The following IQCJ variants were observed in gnomAD, a reference collection of about 807,000 sequenced individuals.
IQCJ encodes IQ domain-containing protein J.
IQCJ carries 9 observed loss-of-function variants against 11.0 expected under a neutral mutation model. The ratio of observed to expected loss-of-function variants is 0.82; its 90% confidence interval spans 0.49 to 1.43. The LOEUF (loss-of-function observed/expected upper bound fraction) is 1.43. IQCJ is among the 40% of genes most tolerant of loss of function. The pLI, the probability that IQCJ is intolerant of heterozygous loss-of-function variation, is 0.00. For missense variants in IQCJ, 146 were observed against 133.2 expected, an observed-to-expected ratio of 1.10 and a Z score of -0.47; for synonymous variants, 55 against 51.3, an observed-to-expected ratio of 1.07 and a Z score of -0.31.
intron 1 of IQCJ, among the ~76,000 whole-genome samples, chr3:159,143,994 G>A (rs1249405056): frequency 6.6e-6 from 1 of 152,146 alleles, no homozygotes; most frequent in African/African-American, 2.4e-5. Context: ...AGGCAAAAGG[G>A]ACAAAGCCTG....
downstream of IQCJ, among the ~76,000 whole-genome samples, chr3:159,265,022 A>C (rs1428158488): frequency 6.6e-6 from 1 of 152,222 alleles, no homozygotes; most frequent in Non-Finnish European, 1.5e-5. Context: ...ACAATGACTT[A>C]AATATTGATA....
intron 3 of IQCJ, among the ~76,000 whole-genome samples, chr3:159,257,840 C>T (rs1379183694): frequency 2.0e-5 from 3 of 152,202 alleles, no homozygotes; most frequent in African/African-American, 7.2e-5. Context: ...CATCCTGTTT[C>T]TCTATTTCTG....
chr3:159,090,431 C>G (rs999122230), intron 1 of IQCJ, among the ~76,000 whole-genome samples: 1 of 151,792 alleles, frequency 6.6e-6, no homozygotes, highest in African/African-American at 2.4e-5. Context: ...CTCCTCCACC[C>G]TCACATAAGT....
intron 1 of IQCJ, among the ~76,000 whole-genome samples, chr3:159,232,089 A>G (rs920407547): frequency 5.9e-5 from 9 of 151,894 alleles, no homozygotes; most frequent in Non-Finnish European, 2.9e-5. Flanking sequence ...CAGCTCCTGG[A>G]GTCATTGATT....
At chr3:159,264,936 C>T (rs968008377), downstream of IQCJ, among the ~76,000 whole-genome samples, 4 of 150,718 alleles carry the variant, frequency 2.7e-5, no homozygotes, top group African/African-American at 7.3e-5. Context: ...AGAATCAGAA[C>T]AGATTTTCAA....
At chr3:159,109,407 T>C (rs926308643) in intron 1 of IQCJ, among the ~76,000 whole-genome samples, 3 of 151,822 alleles carry the variant, frequency 2.0e-5, no homozygotes, top group Non-Finnish European at 4.4e-5. Context: ...CACATTCTCT[T>C]GACTTGGGAG....
intron 1 of IQCJ, among the ~76,000 whole-genome samples, chr3:159,092,341 C>G (rs925396217): frequency 4.6e-5 from 7 of 151,840 alleles, no homozygotes; most frequent in Non-Finnish European, 8.8e-5. Flanking sequence ...ACATAGCATC[C>G]AAATGCACTA....
At chr3:159,204,667 T>C (rs1724544435) in intron 1 of IQCJ, among the ~76,000 whole-genome samples, 1 of 152,188 alleles carries the variant, frequency 6.6e-6, no homozygotes, top group Non-Finnish European at 1.5e-5. Flanking sequence ...TTTCCTCTTT[T>C]AATGAGAGAA....
chr3:159,141,955 G>A (rs900156513), intron 1 of IQCJ, among the ~76,000 whole-genome samples: 1 of 152,074 alleles, frequency 6.6e-6, no homozygotes, highest in Non-Finnish European at 1.5e-5. Flanking sequence ...GTACCTTTTT[G>A]TTGTTGCTAA....
At chr3:159,257,657 G>A (rs1727972853) in intron 3 of IQCJ, among the ~76,000 whole-genome samples, 1 of 152,190 alleles carries the variant, frequency 6.6e-6, no homozygotes, top group South Asian at 2.1e-4. Context: ...ATTTGAACAA[G>A]TTTGTATCAG....
intron 1 of IQCJ, among the ~76,000 whole-genome samples, chr3:159,154,644 A>G (rs1247531680): frequency 6.6e-6 from 1 of 152,124 alleles, no homozygotes; most frequent in African/African-American, 2.4e-5. Context: ...CACTTCTTCA[A>G]GCAAAGCCTT....
intron 1 of IQCJ, among the ~76,000 whole-genome samples, chr3:159,157,183 A>G (rs918906665): frequency 6.6e-6 from 1 of 152,180 alleles, no homozygotes; most frequent in Admixed American, 6.6e-5. Context: ...AAAATAAGGG[A>G]GAAGGGTTGT....
chr3:159,106,133 G>A (rs1718243684), intron 1 of IQCJ, among the ~76,000 whole-genome samples: 1 of 152,088 alleles, frequency 6.6e-6, no homozygotes, highest in Non-Finnish European at 1.5e-5. Flanking sequence ...GGAGGTGAGA[G>A]AAAGGAACTA....
chr3:159,079,885 A>G (rs1035777759), intron 1 of IQCJ, among the ~76,000 whole-genome samples: 2 of 152,054 alleles, frequency 1.3e-5, no homozygotes, highest in Admixed American at 6.6e-5. Flanking sequence ...TAAATTCCTA[A>G]AAGTGGAATT....
intron 1 of IQCJ, among the ~76,000 whole-genome samples, chr3:159,169,069 A>G (rs865784005): frequency 2.0e-5 from 3 of 152,222 alleles, no homozygotes; most frequent in African/African-American, 7.2e-5. Context: ...TCTCTTTTTT[A>G]TACATTATCT....
intron 1 of IQCJ, among the ~76,000 whole-genome samples, chr3:159,122,388 CT>C (rs1195199884): frequency 2.6e-5 from 4 of 152,164 alleles, no homozygotes; most frequent in African/African-American, 9.7e-5. Flanking sequence ...CGATATGAGA[CT>C]TCGTTGACAA....
At chr3:159,139,503 G>A (rs1720481727) in intron 1 of IQCJ, among the ~76,000 whole-genome samples, 1 of 152,142 alleles carries the variant, frequency 6.6e-6, no homozygotes, top group South Asian at 2.1e-4. Context: ...TCTCTCATGA[G>A]GTCCGGCTCA....
rs202040350 is a variant in IQCJ at position 159,262,642 on chromosome 3, A to C, written c.250A>C (p.Ser84Arg). The change falls in exon 4 of 4, where the codon AGC becomes CGC. Residue 84 changes from serine (S) to arginine (R), a missense_variant. By Grantham distance (110) the Ser-to-Arg change is moderately radical. Coordinates refer to ENST00000397832, the MANE Select transcript of IQCJ (RefSeq NM_001042706.3). Reference protein sequence around the residue: ...PPSVSSEKLSSSVSMNTFSDS... With the variant: ...PPSVSSEKLSRSVSMNTFSDS... ...CTCTGTCTCCTCAGAGAAGCTGAGC[A>C]GCTCTGTCAGCATGAACACCTTCTC... 18 of 1,614,014 alleles carry C rather than the reference A, an allele frequency of 1.1e-5. No homozygotes were observed. The African/African-American group carries it at 2.3e-4, about 20-fold the overall frequency.
intron 1 of IQCJ, among the ~76,000 whole-genome samples, chr3:159,179,500 T>G (rs1264284900): frequency 6.6e-6 from 1 of 151,814 alleles, no homozygotes; most frequent in Admixed American, 6.6e-5. Context: ...GTTACCATGA[T>G]GCAGTTACTT....
Sources: gnomAD v4.1 joint callset for allele counts (sites outside exome capture counted in the v4.1 genomes callset) on GRCh38, gnomAD v4.1.1 for gene constraint, MANE v1.5 for transcripts, NCBI Gene and HGNC (gene_info 2026-07-23, HGNC 2026-07-21) for gene names.